Variants in HECW2 observed in about 807,000 individuals in gnomAD.
The protein encoded by HECW2 is HECT, C2 and WW domain containing E3 ubiquitin protein ligase 2, also known as E3 ubiquitin-protein ligase HECW2.
A neutral mutation model predicts 175.2 loss-of-function variants in HECW2; 61 were observed. The ratio of observed to expected loss-of-function variants is 0.35; its 90% CI spans 0.28 to 0.43. HECW2 has a LOEUF of 0.43. HECW2 is among the 20% of genes least tolerant of loss of function. The pLI, the probability that HECW2 is intolerant of heterozygous loss-of-function variation, is 1.00. For synonymous variants in HECW2, 671 were observed against 731.0 expected (o/e 0.92, Z 1.32); for missense variants, 1,524 against 2,000.5 (o/e 0.76, Z 4.54).
intron 3 of HECW2, among the ~76,000 whole-genome samples, chr2:196,342,387 A>G (rs2105826392): frequency 6.6e-6 from 1 of 151,544 alleles, no homozygotes; most frequent in Non-Finnish European, 1.5e-5. Context: ...CTGGGCAACA[A>G]GAGCTAAACT....
chr2:196,436,526 A>T (rs1695880913), intron 1 of HECW2, among the ~76,000 whole-genome samples: 2 of 152,188 alleles, frequency 1.3e-5, no homozygotes, highest in African/African-American at 4.8e-5. Context: ...GCAAAAGTCA[A>T]AGTCCCTAGT....
At chr2:196,593,392 T>C (rs7580845) in intron 1 of HECW2, 116 bp downstream of exon 1, 144,232 of 151,256 alleles carry the variant, frequency 0.95, 68,792 homozygotes, top group African/African-American at 0.98. Context: ...CCGACCCGCC[T>C]GCGTCGCCAC....
intron 1 of HECW2, among the ~76,000 whole-genome samples, chr2:196,565,785 A>G (rs527509202): frequency 2.0e-5 from 3 of 152,220 alleles, no homozygotes; most frequent in African/African-American, 7.2e-5. Context: ...AAAATAATAA[A>G]GAATAATTGT....
At chr2:196,234,791 G>T (rs566018182) in intron 21 of HECW2, among the ~76,000 whole-genome samples, 1 of 152,202 alleles carries the variant, frequency 6.6e-6, no homozygotes, top group African/African-American at 2.4e-5. Context: ...AGCAGAAATA[G>T]GCAACCCCTG....
intron 1 of HECW2, among the ~76,000 whole-genome samples, chr2:196,469,086 C>T (rs1697079339): frequency 6.7e-6 from 1 of 149,180 alleles, no homozygotes; most frequent in African/African-American, 2.5e-5. Flanking sequence ...TATTTTCTAT[C>T]GCAGGTCACT....
At chr2:196,539,672 C>T (rs1274383124) in intron 1 of HECW2, among the ~76,000 whole-genome samples, 6 of 152,208 alleles carry the variant, frequency 3.9e-5, no homozygotes, top group East Asian at 1.9e-4. Context: ...AATACTTTTA[C>T]GTGTACGAGT....
At chr2:196,524,289 G>A (rs1189748894) in intron 1 of HECW2, among the ~76,000 whole-genome samples, 1 of 124,456 alleles carries the variant, frequency 8.0e-6, no homozygotes, top group African/African-American at 4.2e-5. Context: ...ATTCTCTGAT[G>A]GTAGTTTGTA....
At position 196,271,883 on chromosome 2, in the gene HECW2, T is replaced by C. The variant is rs144446621; in HGVS notation, c.3239-594A>G. On this transcript the variant is annotated intron_variant, in intron 16 of 28. Coordinates refer to ENST00000644978, the MANE Select transcript of HECW2 (RefSeq NM_001348768.2). ...ACATTCCAATTTGTATCTAACCTTT[T>C]ATATGATTATTGGACTTAGGTCTGT... Among the ~76,000 whole-genome samples, 19 of 152,358 alleles carry C rather than the reference T, an allele frequency of 1.2e-4. No homozygotes were observed. The East Asian group carries it at 3.5e-3, about 28-fold the overall frequency.
At chr2:196,369,990 C>T (rs1214579209) in intron 2 of HECW2, among the ~76,000 whole-genome samples, 1 of 151,846 alleles carries the variant, frequency 6.6e-6, no homozygotes, top group Non-Finnish European at 1.5e-5. Context: ...GAATTGAGGA[C>T]ACCAGTGGGG....
At chr2:196,494,093 G>A (rs1687296305) in intron 1 of HECW2, among the ~76,000 whole-genome samples, 2 of 152,178 alleles carry the variant, frequency 1.3e-5, no homozygotes, top group South Asian at 4.1e-4. Flanking sequence ...CACCAGTAAG[G>A]AGAGGCATTC....
At chr2:196,444,583 C>T (rs1392243177) in intron 1 of HECW2, among the ~76,000 whole-genome samples, 1 of 152,134 alleles carries the variant, frequency 6.6e-6, no homozygotes, top group Non-Finnish European at 1.5e-5. Flanking sequence ...TTACATTGTC[C>T]CCAGCCAATC....
intron 2 of HECW2, among the ~76,000 whole-genome samples, chr2:196,388,078 C>A (rs1694401169): frequency 6.6e-6 from 1 of 151,956 alleles, no homozygotes; most frequent in Non-Finnish European, 1.5e-5. Flanking sequence ...ATTGCTTGAG[C>A]CCAGGAGTTC....
chr2:196,488,873 A>T (rs1687097405), intron 1 of HECW2, among the ~76,000 whole-genome samples: 1 of 152,218 alleles, frequency 6.6e-6, no homozygotes, highest in Non-Finnish European at 1.5e-5. Context: ...AGAAGAGCAC[A>T]AAACTCAGTG....
At chr2:196,292,471 G>A in intron 14 of HECW2, 94 bp downstream of exon 14, 1 of 1,039,724 alleles carries the variant, frequency 9.6e-7, no homozygotes. Context: ...CTCACAAAGA[G>A]CCTTGGCCCT....
rs1397641150 is a variant in HECW2, at chr2:196,292,484, C to A, written c.3000+81G>T. 1.1e-5 allele frequency: 14 copies of A among 1,243,464 alleles called. No homozygotes were observed. In the Admixed American group the frequency reaches 2.5e-4, roughly 22 times the overall value. The allele number at this position is 1,243,464 out of a possible 1,614,324, so 77.0% of individuals were successfully genotyped here. ...ACCTCACAAAGAGCCTTGGCCCTCA[C>A]TTGAAGGGTAGGGCCAAGTGTCGAA... On this transcript the variant is annotated intron_variant, in intron 14 of 28. Transcript: ENST00000644978.
intron 1 of HECW2, among the ~76,000 whole-genome samples, chr2:196,464,936 G>T (rs969126763): frequency 6.6e-6 from 1 of 152,138 alleles, no homozygotes; most frequent in Non-Finnish European, 1.5e-5. Context: ...CAGCTACTCA[G>T]GAGGCTGAGG....
At chr2:196,410,673 G>T (rs7593712) in intron 2 of HECW2, among the ~76,000 whole-genome samples, 139,467 of 152,228 alleles carry the variant, frequency 0.92, 64,414 homozygotes, top group East Asian at 1. Flanking sequence ...AGACTAAAGG[G>T]ATACTTCCAG....
chr2:196,411,433 G>A (rs11687866), intron 2 of HECW2, among the ~76,000 whole-genome samples: 2,094 of 152,260 alleles, frequency 0.014, 33 homozygotes, highest in Non-Finnish European at 0.02. Context: ...CAAAAAACTC[G>A]CAAGGCATTT....
chr2:196,228,393 T>C (rs1687929526), intron 21 of HECW2, 139 bp from the exon 22 acceptor site: 1 of 723,752 alleles, frequency 1.4e-6, no homozygotes, highest in Admixed American at 3.1e-5. Context: ...CAAAACAAAC[T>C]GAATGATCAT....
Sources: gnomAD v4.1 joint callset for allele counts (sites outside exome capture counted in the v4.1 genomes callset) on GRCh38, gnomAD v4.1.1 for gene constraint, MANE v1.5 for transcripts, NCBI Gene and HGNC (gene_info 2026-07-23, HGNC 2026-07-21) for gene names.